GRIA4: variants seen among roughly 807,000 people sequenced by gnomAD.
GRIA4 encodes glutamate ionotropic receptor AMPA type subunit 4, also known as glutamate receptor 4.
GRIA4 carries 34 observed loss-of-function variants against 104.0 expected under a neutral mutation model. The ratio of observed to expected loss-of-function variants is 0.33; its 90% CI spans 0.25 to 0.44. GRIA4 has a LOEUF of 0.44. GRIA4 is among the 20% of genes least tolerant of loss of function. The probability of loss-of-function intolerance (pLI) is 1.00; values close to 1 mark genes in which losing one functional copy is unlikely to be tolerated. For missense variants in GRIA4, 750 were observed against 1,096.5 expected (o/e 0.68, Z 4.46); for synonymous variants, 386 against 381.9 (o/e 1.01, Z -0.13).
chr11:105,614,010 G>C (rs2135246630), intron 3 of GRIA4: 1 of 151,876 alleles, frequency 6.6e-6, no homozygotes, highest in Middle Eastern at 3.5e-3. Context: ...AGGGATGTCA[G>C]CATTCTAAGT....
intron 3 of GRIA4, among the ~76,000 whole-genome samples, chr11:105,689,575 G>A (rs1334774053): frequency 6.6e-6 from 1 of 152,052 alleles, no homozygotes; most frequent in South Asian, 2.1e-4. Context: ...TTATTTTCTT[G>A]AGAACATTAC....
chr11:105,875,830 GTCTA>G (rs768306324), intron 5 of GRIA4, among the ~76,000 whole-genome samples: 24 of 151,742 alleles, frequency 1.6e-4, no homozygotes, highest in Non-Finnish European at 2.9e-4. Flanking sequence ...CTAGCTAGTG[GTCTA>G]TCTATTTTGT....
At chr11:105,712,492 G>T (rs1953946132) in intron 3 of GRIA4, among the ~76,000 whole-genome samples, 1 of 151,702 alleles carries the variant, frequency 6.6e-6, no homozygotes, top group African/African-American at 2.4e-5. Context: ...CCATATAAAT[G>T]GAAAAGGGAT....
At chr11:105,875,397 A>G (rs1446363405) in intron 5 of GRIA4, among the ~76,000 whole-genome samples, 1 of 152,122 alleles carries the variant, frequency 6.6e-6, no homozygotes. Context: ...TGTCTCTGCC[A>G]GGTTTTGGTA....
chr11:105,742,840 G>A lies in GRIA4; in HGVS notation c.248-10141G>A, dbSNP rs529482771. 7.2e-5 allele frequency among the ~76,000 whole-genome samples: 11 copies of A among 152,160 alleles called. 1 individual carries two copies. The South Asian group carries it at 8.3e-4, about 11-fold the overall frequency. ...CAACCTCCACCTCCCGGGTTCAAGCGATTCTCCTGCCTAAGCCTCCTGAGT... is the reference window on the plus strand; with the variant it reads ...CAACCTCCACCTCCCGGGTTCAAGCAATTCTCCTGCCTAAGCCTCCTGAGT... On this transcript the variant is annotated intron_variant, in intron 3 of 16. Coordinates refer to ENST00000282499, the MANE Select transcript of GRIA4 (RefSeq NM_000829.4).
At chr11:105,938,293 G>C (rs546427321) in intron 14 of GRIA4, among the ~76,000 whole-genome samples, 5 of 152,044 alleles carry the variant, frequency 3.3e-5, no homozygotes, top group African/African-American at 1.2e-4. Flanking sequence ...GTACTTAGAC[G>C]GTTTAGGAAA....
chr11:105,894,798 T>TCCCACCAAAAAATAAACCAAACACTCTCC (rs1591410229), intron 6 of GRIA4, among the ~76,000 whole-genome samples: 7 of 138,672 alleles, frequency 5.0e-5, no homozygotes, highest in Admixed American at 1.5e-4. Context: ...CATATTTTTT[T>TCCCACCAAAAAATAAACCAAACACTCTCC]TTTTTTTTTT....
At chr11:105,691,210 C>T (rs1435441438) in intron 3 of GRIA4, among the ~76,000 whole-genome samples, 1 of 152,090 alleles carries the variant, frequency 6.6e-6, no homozygotes, top group African/African-American at 2.4e-5. Context: ...AAGCCAGGAT[C>T]CTGTGGCATA....
chr11:105,895,528 C>A (rs936896453), intron 6 of GRIA4, among the ~76,000 whole-genome samples: 9 of 147,600 alleles, frequency 6.1e-5, no homozygotes, highest in Non-Finnish European at 7.4e-5. Context: ...ATAATAGATA[C>A]ATGATAGATA....
At chr11:105,649,493 T>A (rs1011430723) in intron 3 of GRIA4, among the ~76,000 whole-genome samples, 1 of 152,196 alleles carries the variant, frequency 6.6e-6, no homozygotes, top group Non-Finnish European at 1.5e-5. Flanking sequence ...AGACAAGGTT[T>A]AAGATAGAGC....
chr11:105,974,077 T>A (rs2136288873), intron 15 of GRIA4, among the ~76,000 whole-genome samples: 1 of 152,308 alleles, frequency 6.6e-6, no homozygotes, highest in African/African-American at 2.4e-5. Context: ...ATGTTACTGA[T>A]TTCATTGAAT....
At chr11:105,853,747 A>G (rs1011426961) in intron 4 of GRIA4, among the ~76,000 whole-genome samples, 1 of 152,114 alleles carries the variant, frequency 6.6e-6, no homozygotes, top group Non-Finnish European at 1.5e-5. Context: ...TGTAGAATTT[A>G]GAGAAAAGCA....
chr11:105,688,114 CTATA>C (rs1317326252), intron 3 of GRIA4, among the ~76,000 whole-genome samples: 10 of 68,466 alleles, frequency 1.5e-4, no homozygotes, highest in African/African-American at 4.4e-4. Context: ...ATATCTATAT[CTATA>C]TCTATATCTA....
At chr11:105,967,518 T>G (rs1239614629) in intron 14 of GRIA4, among the ~76,000 whole-genome samples, 1 of 152,186 alleles carries the variant, frequency 6.6e-6, no homozygotes, top group African/African-American at 2.4e-5. Context: ...CCGAATTGCT[T>G]CTTCTTATAG....
intron 3 of GRIA4, among the ~76,000 whole-genome samples, chr11:105,697,981 A>G (rs1293075569): frequency 7.9e-5 from 12 of 152,086 alleles, no homozygotes; most frequent in Admixed American, 7.9e-4. Flanking sequence ...CTTTTTCCTC[A>G]AAGTTAAAGC....
intron 3 of GRIA4, among the ~76,000 whole-genome samples, chr11:105,722,555 C>T (rs1014073624): frequency 6.6e-6 from 1 of 151,982 alleles, no homozygotes; most frequent in Non-Finnish European, 1.5e-5. Context: ...TAAATTTGTT[C>T]CTTAAAGGTT....
At chr11:105,744,638 A>T (rs1324813761) in intron 3 of GRIA4, among the ~76,000 whole-genome samples, 1 of 152,184 alleles carries the variant, frequency 6.6e-6, no homozygotes. Context: ...CTCTAGACCC[A>T]GGACTTCAAG....
At chr11:105,725,868 A>T (rs1938172059) in intron 3 of GRIA4, among the ~76,000 whole-genome samples, 1 of 152,154 alleles carries the variant, frequency 6.6e-6, no homozygotes, top group Non-Finnish European at 1.5e-5. Context: ...TGGCCAAGAT[A>T]CTATGCTTTG....
chr11:105,721,296 C>T (rs1362240661), intron 3 of GRIA4, among the ~76,000 whole-genome samples: 5 of 152,080 alleles, frequency 3.3e-5, no homozygotes, highest in East Asian at 1.9e-4. Flanking sequence ...AGTTTATTTC[C>T]GAGTAGCACT....
Sources: allele counts gnomAD v4.1 joint callset (sites outside exome capture counted in the v4.1 genomes callset), GRCh38; gene constraint gnomAD v4.1.1; transcripts MANE v1.5; gene names NCBI Gene and HGNC (gene_info 2026-07-23, HGNC 2026-07-21).